Variants in APCDD1L observed in about 807,000 individuals in gnomAD.
APCDD1L encodes the protein APC down-regulated 1 like, also known as protein APCDD1-like.
In APCDD1L, 21 loss-of-function variants were observed where a neutral mutation model predicts 24.2. The ratio of observed to expected loss-of-function variants is 0.87; its 90% CI spans 0.61 to 1.25. APCDD1L has a LOEUF of 1.25. Among genes scored for constraint, APCDD1L ranks in the 50% most tolerant of loss-of-function variants. APCDD1L has a pLI of 0.00. For synonymous variants in APCDD1L, 321 were observed against 323.6 expected, an observed-to-expected ratio of 0.99 and a Z score of 0.09; for missense variants, 704 against 711.7, an observed-to-expected ratio of 0.99 and a Z score of 0.12.
intron 1 of APCDD1L, among the ~76,000 whole-genome samples, chr20:58,509,956 A>G (rs987418495): frequency 7.9e-5 from 12 of 151,398 alleles, no homozygotes; most frequent in Non-Finnish European, 1.6e-4. Flanking sequence ...GACCTTGTCC[A>G]CTCTCCACCC....
chr20:58,495,741 G>T (rs1031608173), intron 1 of APCDD1L, among the ~76,000 whole-genome samples: 3 of 151,988 alleles, frequency 2.0e-5, no homozygotes, highest in East Asian at 1.9e-4. Flanking sequence ...ACACATGAAG[G>T]TGTGACCCAT....
At chr20:58,482,808 A>T (rs1990047948) in intron 1 of APCDD1L, among the ~76,000 whole-genome samples, 1 of 152,124 alleles carries the variant, frequency 6.6e-6, no homozygotes, top group African/African-American at 2.4e-5. Flanking sequence ...CACACAACCC[A>T]CAGGTGGAGA....
At chr20:58,509,917 CCT>C (rs1313823544) in intron 1 of APCDD1L, among the ~76,000 whole-genome samples, 2 of 152,186 alleles carry the variant, frequency 1.3e-5, no homozygotes, top group Admixed American at 1.3e-4. Flanking sequence ...GCCCCACAAC[CCT>C]CCAGGAACCA....
At position 58,460,787 on chromosome 20, in the gene APCDD1L, A is replaced by G. The variant is rs1459270512; in HGVS notation, c.*3T>C. On this transcript the variant is annotated 3_prime_UTR_variant, in exon 4 of 4. Transcript: ENST00000371149. This position sits in a 1 kb window ranked among gnomAD's most constrained non-coding sequence, Gnocchi z 4.2. ...AGCCGCCATCCTGATGTCAAGTCCA[A>G]TGTCATAGCCAGTGGAGGAAGGCCA... The G allele has an allele frequency of 1.3e-6, 2 of 1,515,084 alleles. No homozygotes were observed. The highest frequency in any genetic ancestry group is 1.8e-6 in the Non-Finnish European group (2 of 1,131,832). The allele number at this position is 1,515,084 out of a possible 1,614,324, so 93.9% of individuals were successfully genotyped here.
chr20:58,466,640 C>A (rs1989710619), intron 3 of APCDD1L, among the ~76,000 whole-genome samples: 1 of 152,252 alleles, frequency 6.6e-6, no homozygotes, highest in Non-Finnish European at 1.5e-5. Flanking sequence ...AAGGACCTAG[C>A]GCCAGAGGGA....
rs940755727 is a variant in APCDD1L at position 58,494,869 on chromosome 20, A to C, written c.49+19790T>G. On this transcript the variant is annotated intron_variant, in intron 1 of 3. Coordinates refer to ENST00000371149, the MANE Select transcript of APCDD1L (RefSeq NM_153360.3). The surrounding 1 kb of genome is among the most constrained non-coding windows in gnomAD (Gnocchi z 4.8). ...CTTGTACCCACCCTGGGGCCTGTGC[A>C]CTTGCCGGTCTGTCTGCCAGGAATG... 6.6e-6 allele frequency among the ~76,000 whole-genome samples: 1 copy of C among 151,980 alleles called. No homozygotes were observed. The highest frequency in any genetic ancestry group is 2.4e-5 in the African/African-American group (1 of 41,378).
At chr20:58,471,271 C>G (rs79979942) in intron 1 of APCDD1L, among the ~76,000 whole-genome samples, 1 of 152,228 alleles carries the variant, frequency 6.6e-6, no homozygotes, top group Non-Finnish European at 1.5e-5. Context: ...TCCCGGCACA[C>G]AGCAGGCCCC....
At chr20:58,484,448 G>A (rs1990082959) in intron 1 of APCDD1L, among the ~76,000 whole-genome samples, 1 of 152,020 alleles carries the variant, frequency 6.6e-6, no homozygotes, top group Non-Finnish European at 1.5e-5. Flanking sequence ...TACATTTTTG[G>A]TGAATGAATA....
chr20:58,505,463 A>G (rs796690530), intron 1 of APCDD1L, among the ~76,000 whole-genome samples: 57 of 152,194 alleles, frequency 3.7e-4, no homozygotes, highest in African/African-American at 1.3e-3. Context: ...AATTCCTTCA[A>G]GATGTATTTA....
Position 58,470,748 on chromosome 20 carries a change from C to T in APCDD1L, c.50-1G>A, listed in dbSNP as rs1989797543. The T allele has an allele frequency of 2.0e-5, 31 of 1,534,610 alleles. No individual in the cohort carries two copies. The highest frequency in any genetic ancestry group is 2.7e-5 in the Non-Finnish European group (31 of 1,145,426). ...TCCCCAGCCGCCGGTGCAGTGTGGG[C>T]TGCAAAGCAGACAGACCTGGGTAAG... On this transcript the variant is annotated splice_acceptor_variant, in intron 1 of 3. Coordinates refer to ENST00000371149, the MANE Select transcript of APCDD1L (RefSeq NM_153360.3). LOFTEE classifies it high-confidence loss of function.
intron 1 of APCDD1L, among the ~76,000 whole-genome samples, chr20:58,501,443 TGGCCGTAGAG>T (rs1195111203): frequency 6.6e-6 from 1 of 152,110 alleles, no homozygotes; most frequent in African/African-American, 2.4e-5. Context: ...CACAGAATAA[TGGCCGTAGAG>T]GGCACAGCTA....
intron 1 of APCDD1L, among the ~76,000 whole-genome samples, chr20:58,512,414 A>G (rs1990645323): frequency 6.6e-6 from 1 of 152,192 alleles, no homozygotes. Context: ...ATTTTCAGTT[A>G]TCATAACTAG....
Position 58,508,605 on chromosome 20 carries a change from G to C in APCDD1L, c.49+6054C>G, listed in dbSNP as rs529718761. Among the ~76,000 whole-genome samples the C allele has an allele frequency of 4.2e-4, 64 of 152,324 alleles. No individual in the cohort carries two copies. In the South Asian group the frequency reaches 0.013, roughly 30 times the overall value. On this transcript the variant is annotated intron_variant, in intron 1 of 3. Transcript: ENST00000371149. The surrounding 1 kb of genome is among the most constrained non-coding windows in gnomAD (Gnocchi z 4.0). ...AGGTGGCTGGGGAGGCCCTGGAGGA[G>C]CTGAGGAGGGCCTCTGCGGCAGGGC...
intron 3 of APCDD1L, among the ~76,000 whole-genome samples, chr20:58,463,533 CCTT>C (rs1264865114): frequency 2.0e-5 from 3 of 152,138 alleles, no homozygotes; most frequent in African/African-American, 2.4e-5. Flanking sequence ...TCTTCTTTCT[CCTT>C]CTTCTCCTTC....
chr20:58,514,074 C>T (rs968063366), intron 1 of APCDD1L: 1 of 749,782 alleles, frequency 1.3e-6, no homozygotes, highest in Non-Finnish European at 1.9e-6. Flanking sequence ...CAGGGAACCC[C>T]TTAGTCCTGG....
At chr20:58,474,019 C>T (rs1472167273) in intron 1 of APCDD1L, among the ~76,000 whole-genome samples, 1 of 152,182 alleles carries the variant, frequency 6.6e-6, no homozygotes, top group African/African-American at 2.4e-5. Context: ...ACCATATGGA[C>T]CTGCCTGGGG....
At chr20:58,495,857 G>T (rs1054045190) in intron 1 of APCDD1L, among the ~76,000 whole-genome samples, 1 of 152,152 alleles carries the variant, frequency 6.6e-6, no homozygotes, top group Non-Finnish European at 1.5e-5. Flanking sequence ...CCCAGCTGCT[G>T]CCAGGGCCAT....
rs763479629 is a variant in APCDD1L, at chr20:58,467,564, G to A, written c.283C>T (p.Pro95Ser). The A allele has an allele frequency of 5.1e-6, 8 of 1,582,362 alleles. 1 individual carries two copies. The South Asian group carries it at 9.2e-5, about 18-fold the overall frequency. Residue 95 changes from proline to serine, a missense_variant, in exon 3 of 4, where the codon CCC (proline) becomes TCC (serine). Pro to Ser is a moderately conservative substitution (Grantham distance 74). Transcript: ENST00000371149. This position sits in a 1 kb window ranked among gnomAD's most constrained non-coding sequence, Gnocchi z 5.9. ...FRAHQFYYED[P>S]FCGEPAHSLL... ...GAGTGGGCAGGTTCCCCGCAGAAGG[G>A]GTCCTCGTAGTAGAACTGGTGGGCT... is the stretch of plus-strand genomic sequence containing the variant.
chr20:58,471,785 G>A (rs1193404434), intron 1 of APCDD1L, among the ~76,000 whole-genome samples: 1 of 152,238 alleles, frequency 6.6e-6, no homozygotes, highest in Non-Finnish European at 1.5e-5. Context: ...CCAGCCACGG[G>A]CTGTGCTCAG....
Sources: gnomAD v4.1 joint callset for allele counts (sites outside exome capture counted in the v4.1 genomes callset) on GRCh38, gnomAD v4.1.1 for gene constraint, Gnocchi (gnomAD v3.1) non-coding constraint, MANE v1.5 for transcripts, NCBI Gene and HGNC (gene_info 2026-07-23, HGNC 2026-07-21) for gene names.